FANCC: variants seen among roughly 807,000 people sequenced by gnomAD.
The protein encoded by FANCC is Fanconi anemia group C protein.
In FANCC, 55 loss-of-function variants were observed where a neutral mutation model predicts 71.3. That is an observed-to-expected ratio of 0.77 (90% CI 0.62 to 0.97). The LOEUF (loss-of-function observed/expected upper bound fraction) is 0.97, where lower values mean the gene tolerates loss of function less well. FANCC is among the 50% of genes least tolerant of loss of function. The pLI, the probability that FANCC is intolerant of heterozygous loss-of-function variation, is 0.00. For synonymous variants in FANCC, 275 were observed against 244.9 expected (o/e 1.12, Z -1.15); for missense variants, 678 against 670.9 (o/e 1.01, Z -0.12).
intron 1 of FANCC, among the ~76,000 whole-genome samples, chr9:95,249,807 C>T (rs927346973): frequency 1.2e-4 from 18 of 152,062 alleles, no homozygotes; most frequent in African/African-American, 4.1e-4. Context: ...GAATTTCTGG[C>T]TTCTCATTTA....
intron 4 of FANCC, among the ~76,000 whole-genome samples, chr9:95,210,683 A>G (rs1461597452): frequency 6.6e-6 from 1 of 152,214 alleles, no homozygotes; most frequent in Non-Finnish European, 1.5e-5. Context: ...ATTTGAACCC[A>G]GGCAATTAGC....
chr9:95,109,234 T>C (rs1057278314), intron 13 of FANCC, among the ~76,000 whole-genome samples: 1 of 152,230 alleles, frequency 6.6e-6, no homozygotes, highest in African/African-American at 2.4e-5. Flanking sequence ...TTTCATGGTA[T>C]GTAACAGAAT....
intron 1 of FANCC, among the ~76,000 whole-genome samples, chr9:95,311,596 C>G (rs1045365899): frequency 1.3e-5 from 2 of 151,932 alleles, no homozygotes; most frequent in African/African-American, 4.8e-5. Flanking sequence ...CAATTTTGCC[C>G]AGGAGACTTG....
intron 6 of FANCC, among the ~76,000 whole-genome samples, chr9:95,165,069 T>C (rs926639333): frequency 2.0e-5 from 3 of 151,936 alleles, no homozygotes; most frequent in African/African-American, 7.2e-5. Flanking sequence ...TGTTGGTATA[T>C]AATTGTTCAT....
chr9:95,301,655 C>T (rs1180128174), intron 1 of FANCC, among the ~76,000 whole-genome samples: 2 of 152,074 alleles, frequency 1.3e-5, no homozygotes, highest in Non-Finnish European at 2.9e-5. Context: ...AACTCCTGGA[C>T]TCAAGTGATC....
At chr9:95,175,619 T>C (rs1588227680) in intron 4 of FANCC, among the ~76,000 whole-genome samples, 1 of 151,662 alleles carries the variant, frequency 6.6e-6, no homozygotes, top group Non-Finnish European at 1.5e-5. Flanking sequence ...GTGGGCAGAG[T>C]CAGGGAGCTC....
intron 1 of FANCC, among the ~76,000 whole-genome samples, chr9:95,266,770 C>T (rs867044114): frequency 6.6e-6 from 1 of 152,164 alleles, no homozygotes; most frequent in African/African-American, 2.4e-5. Flanking sequence ...AAGCCTCAGA[C>T]GGAGTTTAAG....
At chr9:95,154,384 T>G (rs903384945) in intron 6 of FANCC, among the ~76,000 whole-genome samples, 2 of 151,994 alleles carry the variant, frequency 1.3e-5, no homozygotes, top group African/African-American at 4.8e-5. Context: ...AGCAACGTGC[T>G]ACCATTTCTT....
chr9:95,232,713 G>A (rs968489484), intron 4 of FANCC, among the ~76,000 whole-genome samples: 2 of 152,046 alleles, frequency 1.3e-5, no homozygotes, highest in South Asian at 2.1e-4. Flanking sequence ...AAAGAAATTC[G>A]AGCATTTATG....
intron 4 of FANCC, among the ~76,000 whole-genome samples, chr9:95,214,174 C>A (rs939519511): frequency 6.6e-6 from 1 of 152,126 alleles, no homozygotes; most frequent in African/African-American, 2.4e-5. Context: ...ACACTGGTAA[C>A]CCCAGCACTG....
intron 4 of FANCC, among the ~76,000 whole-genome samples, chr9:95,192,526 G>A (rs1208855430): frequency 6.6e-6 from 1 of 152,142 alleles, no homozygotes; most frequent in Non-Finnish European, 1.5e-5. Flanking sequence ...ATTTTTCACA[G>A]GGAGCTGTTC....
rs576846917 is a variant in FANCC, at chr9:95,234,646, T to C, written c.345+6003A>G. ...ATAAATATAGTATATTTGTCAGTTA[T>C]CCAGAGAAACTGAACCAATAAGATA... is the stretch of plus-strand genomic sequence containing the variant. On this transcript the variant is annotated intron_variant, in intron 4 of 14. Coordinates refer to ENST00000289081, the MANE Select transcript of FANCC (RefSeq NM_000136.3). 5.9e-5 allele frequency among the ~76,000 whole-genome samples: 9 copies of C among 152,308 alleles called. No homozygotes were observed. In the South Asian group the frequency reaches 1.7e-3, roughly 28 times the overall value.
intron 1 of FANCC, among the ~76,000 whole-genome samples, chr9:95,290,118 CAT>C (rs1833919049): frequency 6.6e-6 from 1 of 152,286 alleles, no homozygotes; most frequent in South Asian, 2.1e-4. Flanking sequence ...AGTAGGCACA[CAT>C]GTCACTGGGT....
At chr9:95,112,729 C>T (rs539148926) in intron 12 of FANCC, among the ~76,000 whole-genome samples, 11 of 152,312 alleles carry the variant, frequency 7.2e-5, no homozygotes, top group South Asian at 6.2e-4. Flanking sequence ...GATCAGAGAC[C>T]GGTCTGGTCC....
chr9:95,203,157 G>C (rs1827901082), intron 4 of FANCC, among the ~76,000 whole-genome samples: 1 of 152,068 alleles, frequency 6.6e-6, no homozygotes, highest in Non-Finnish European at 1.5e-5. Flanking sequence ...AGAACTTTGG[G>C]AGGCTGAAGT....
chr9:95,165,393 TAC>T (rs1831009237), intron 6 of FANCC, among the ~76,000 whole-genome samples: 1 of 151,916 alleles, frequency 6.6e-6, no homozygotes, highest in Non-Finnish European at 1.5e-5. Context: ...CAAAAGCATG[TAC>T]ACTTTCTTCT....
chr9:95,205,252 T>C (rs1275472974), intron 4 of FANCC, among the ~76,000 whole-genome samples: 1 of 152,190 alleles, frequency 6.6e-6, no homozygotes, highest in African/African-American at 2.4e-5. Context: ...AAAAAAGGTA[T>C]AGTATACTAT....
At chr9:95,291,014 G>A (rs1833964460) in intron 1 of FANCC, among the ~76,000 whole-genome samples, 1 of 152,162 alleles carries the variant, frequency 6.6e-6, no homozygotes, top group Non-Finnish European at 1.5e-5. Context: ...AAGAGCATTT[G>A]ACAAAATTCG....
chr9:95,122,500 T>C (rs905632540), intron 10 of FANCC, among the ~76,000 whole-genome samples: 2 of 152,176 alleles, frequency 1.3e-5, no homozygotes, highest in African/African-American at 2.4e-5. Context: ...CTTTCCTTTG[T>C]TGAGCTGAAG....
Sources: allele counts gnomAD v4.1 joint callset (sites outside exome capture counted in the v4.1 genomes callset), GRCh38; gene constraint gnomAD v4.1.1; transcripts MANE v1.5; gene names NCBI Gene and HGNC (gene_info 2026-07-23, HGNC 2026-07-21).